The following MEI4 variants were observed in gnomAD, a reference collection of about 807,000 sequenced individuals.
MEI4 encodes meiosis-specific protein MEI4.
In MEI4, 27 loss-of-function variants were observed where a neutral mutation model predicts 31.4. The observed-to-expected ratio is 0.86, with a 90% confidence interval of 0.63 to 1.19. MEI4 has a LOEUF of 1.19. Ranked by LOEUF, MEI4 falls within the 50% of genes most tolerant of loss-of-function variation. MEI4 has a pLI of 0.00. For synonymous variants in MEI4, 122 were observed against 145.4 expected, an observed-to-expected ratio of 0.84 and a Z score of 1.16; for missense variants, 329 against 398.9, an observed-to-expected ratio of 0.82 and a Z score of 1.49.
intron 1 of MEI4, among the ~76,000 whole-genome samples, chr6:77,682,680 C>T (rs1388008425): frequency 3.3e-5 from 5 of 152,134 alleles, no homozygotes; most frequent in Non-Finnish European, 7.4e-5. Flanking sequence ...TGTATTCATT[C>T]ATTCATTTAC....
Position 77,705,890 on chromosome 6 carries a change from G to A in MEI4, c.232+14987G>A, listed in dbSNP as rs1014123521. 3.3e-5 allele frequency among the ~76,000 whole-genome samples: 5 copies of A among 152,152 alleles called. No homozygotes were observed. The South Asian group carries it at 8.3e-4, about 25-fold the overall frequency. ...GTTGAGAGATGTGTGTGCTGTGAAG[G>A]AGACATTGAGGTGTTGTGAGCTGCT... On this transcript the variant is annotated intron_variant, in intron 2 of 4. Coordinates refer to ENST00000684080, the MANE Select transcript of MEI4 (RefSeq NM_001322247.2).
At chr6:77,663,215 G>A (rs1453546934) in intron 1 of MEI4, among the ~76,000 whole-genome samples, 1 of 152,164 alleles carries the variant, frequency 6.6e-6, no homozygotes, top group Non-Finnish European at 1.5e-5. Flanking sequence ...TGTAAGGAGA[G>A]TTTATAGGCT....
rs183833679 is a variant in MEI4 at position 77,836,538 on chromosome 6, C to A, written c.900+7476C>A. Among the ~76,000 whole-genome samples the A allele has an allele frequency of 1.1e-3, 174 of 152,070 alleles. 1 individual carries two copies. The highest frequency in any genetic ancestry group is 3.9e-3 in the Admixed American group (59 of 15,270). On this transcript the variant is annotated intron_variant, in intron 4 of 4. Transcript: ENST00000684080. ...CTTGTAAAGTAAAATAAAAGCTAAG[C>A]AATTCATTAATAAAAATAGAACATG...
intron 3 of MEI4, among the ~76,000 whole-genome samples, chr6:77,761,954 G>A (rs578079886): frequency 1.7e-4 from 26 of 152,192 alleles, no homozygotes; most frequent in African/African-American, 5.8e-4. Context: ...TTATTCTTAT[G>A]TTTTCCCTTT....
At chr6:77,758,730 G>A (rs533783899) in intron 2 of MEI4, among the ~76,000 whole-genome samples, 1 of 152,178 alleles carries the variant, frequency 6.6e-6, no homozygotes. Flanking sequence ...CTTCTCCAGG[G>A]CCATGTCTCA....
intron 2 of MEI4, among the ~76,000 whole-genome samples, chr6:77,750,647 T>A (rs1043923296): frequency 6.6e-6 from 1 of 152,094 alleles, no homozygotes; most frequent in Admixed American, 6.6e-5. Context: ...ACAAAGAGAC[T>A]TAGACTCCCA....
intron 2 of MEI4, among the ~76,000 whole-genome samples, chr6:77,699,122 C>A (rs1766137678): frequency 6.6e-6 from 1 of 151,892 alleles, no homozygotes; most frequent in Non-Finnish European, 1.5e-5. Context: ...GCTCCATTAG[C>A]TCCTTTAAGG....
At chr6:77,829,759 A>G (rs956411242) in intron 4 of MEI4, among the ~76,000 whole-genome samples, 3 of 152,194 alleles carry the variant, frequency 2.0e-5, no homozygotes, top group South Asian at 2.1e-4. Flanking sequence ...TCTGTAGTCA[A>G]AGTCACAATT....
chr6:77,873,974 T>C (rs1771265488), intron 4 of MEI4, among the ~76,000 whole-genome samples: 1 of 152,262 alleles, frequency 6.6e-6, no homozygotes, highest in Non-Finnish European at 1.5e-5. Context: ...ATCTCTGTTT[T>C]GGTGCCAGTA....
chr6:77,885,096 G>GT (rs35103652), intron 4 of MEI4, among the ~76,000 whole-genome samples: 42,664 of 151,384 alleles, frequency 0.28, 6,762 homozygotes, highest in South Asian at 0.38. Flanking sequence ...ATACCTAGGT[G>GT]TTTTTTGTGT....
At position 77,864,869 on chromosome 6, in the gene MEI4, A is replaced by G. The variant is rs547395169; in HGVS notation, c.900+35807A>G. 2.0e-5 allele frequency among the ~76,000 whole-genome samples: 3 copies of G among 152,346 alleles called. No homozygotes were observed. The South Asian group carries it at 6.2e-4, about 32-fold the overall frequency. ...CAGCAAATGTAAAAGAATAGAAATT[A>G]TAACAAACTGTCTCTCAGACCACAG... On this transcript the variant is annotated intron_variant, in intron 4 of 4. Coordinates refer to ENST00000684080, the MANE Select transcript of MEI4 (RefSeq NM_001322247.2).
chr6:77,861,404 C>T (rs1363395902), intron 4 of MEI4, among the ~76,000 whole-genome samples: 2 of 152,144 alleles, frequency 1.3e-5, no homozygotes, highest in Non-Finnish European at 2.9e-5. Context: ...TTTTAGACAA[C>T]AGCTTCCACT....
chr6:77,840,783 G>C (rs938045714), intron 4 of MEI4, among the ~76,000 whole-genome samples: 1 of 152,012 alleles, frequency 6.6e-6, no homozygotes, highest in South Asian at 2.1e-4. Context: ...GAGAAAAATG[G>C]CATATTATAT....
At chr6:77,894,986 A>G (rs554510140) in intron 4 of MEI4, among the ~76,000 whole-genome samples, 39 of 152,310 alleles carry the variant, frequency 2.6e-4, no homozygotes, top group Admixed American at 7.2e-4. Context: ...TTTTCCATCA[A>G]TAATGGACAT....
intron 4 of MEI4, among the ~76,000 whole-genome samples, chr6:77,878,990 G>A (rs1259298855): frequency 1.3e-5 from 2 of 152,024 alleles, no homozygotes; most frequent in Non-Finnish European, 2.9e-5. Flanking sequence ...CCTTTTAAAG[G>A]CAATCAGAAT....
At chr6:77,729,079 T>C (rs1325617840) in intron 2 of MEI4, among the ~76,000 whole-genome samples, 2 of 152,212 alleles carry the variant, frequency 1.3e-5, no homozygotes, top group Non-Finnish European at 2.9e-5. Flanking sequence ...GAGCTCCAGC[T>C]GAACTTTGAA....
chr6:77,923,473 C>A lies in MEI4; in HGVS notation c.*127C>A. On this transcript the variant is annotated 3_prime_UTR_variant, in exon 5 of 5. Transcript: ENST00000684080. ...AGAATTGATCTCTAAATATAATTAT[C>A]AATTCAACTTAATGGTTAGTCTTAA... 1.3e-6 allele frequency: 1 copy of A among 758,576 alleles called. No individual in the cohort carries two copies. Among genetic ancestry groups the A allele is most frequent in the Non-Finnish European group, 1.8e-6 (1 of 558,962 alleles). The allele number at this position is 758,576 out of a possible 1,614,324, so 47.0% of individuals were successfully genotyped here.
intron 4 of MEI4, among the ~76,000 whole-genome samples, chr6:77,857,420 A>C (rs1282191980): frequency 6.6e-6 from 1 of 152,192 alleles, no homozygotes; most frequent in Non-Finnish European, 1.5e-5. Context: ...TGCTTTGATA[A>C]AAATTTTCCA....
chr6:77,872,474 T>C (rs1479579367), intron 4 of MEI4, among the ~76,000 whole-genome samples: 1 of 152,092 alleles, frequency 6.6e-6, no homozygotes, highest in Non-Finnish European at 1.5e-5. Flanking sequence ...AATAAATGAA[T>C]GAATACAAAG....
Sources: gnomAD v4.1 joint callset for allele counts (sites outside exome capture counted in the v4.1 genomes callset) on GRCh38, gnomAD v4.1.1 for gene constraint, MANE v1.5 for transcripts, NCBI Gene and HGNC (gene_info 2026-07-23, HGNC 2026-07-21) for gene names.